The following CRISPLD2 variants were observed in gnomAD, a reference collection of about 807,000 sequenced individuals.
CRISPLD2 encodes the protein cysteine rich secretory protein LCCL domain containing 2.
Under a neutral mutation model 71.1 loss-of-function variants are expected in CRISPLD2, and 47 were observed. The observed-to-expected ratio is 0.66, with a 90% CI of 0.52 to 0.84. The LOEUF (loss-of-function observed/expected upper bound fraction) is 0.84. Ranked by LOEUF, CRISPLD2 falls within the 40% of genes least tolerant of loss-of-function variation. The pLI is 0.00. For synonymous variants in CRISPLD2, 317 were observed against 250.1 expected, an observed-to-expected ratio of 1.27 and a Z score of -2.52; for missense variants, 830 against 651.1, an observed-to-expected ratio of 1.27 and a Z score of -2.99.
In CRISPLD2 at chr16:84,849,459, A is replaced by C; in HGVS notation, c.434A>C (p.Glu145Ala). 1 of 1,614,128 alleles carries C rather than the reference A, an allele frequency of 6.2e-7. No homozygotes were observed. Among genetic ancestry groups the C allele is most frequent in the Non-Finnish European group, 8.5e-7 (1 of 1,179,986 alleles). ...GACTACACCTACCCCTACCCGAGCG[A>C]GTGCAACCCCTGGTGTCCAGAGAGG... ...VKDYTYPYPS[E>A]CNPWCPERCS... Residue 145 changes from glutamate to alanine, a missense_variant, in exon 4 of 15, where the codon GAG becomes GCG. Physicochemically the swap from Glu to Ala is moderately radical, Grantham distance 107. Coordinates refer to ENST00000262424, the MANE Select transcript of CRISPLD2 (RefSeq NM_031476.4).
At position 84,873,106 on chromosome 16, in the gene CRISPLD2, G is replaced by T. The variant is rs138350685; in HGVS notation, c.1096G>T (p.Gly366Cys). The change falls in exon 10 of 15, where the codon GGC (glycine) becomes TGC (cysteine). Residue 366 changes from glycine to cysteine, a missense_variant. Coordinates refer to ENST00000262424, the MANE Select transcript of CRISPLD2 (RefSeq NM_031476.4). ...CTTCTTCGTGAAGTCTGAGAGACACGGCGTGCAGTCCCTCAGGTAACTACT... is the reference window on the plus strand; with the variant it reads ...CTTCTTCGTGAAGTCTGAGAGACACTGCGTGCAGTCCCTCAGGTAACTACT... ...VPFFVKSERH[G>C]VQSLSKYKPS... The T allele has an allele frequency of 1.2e-6, 2 of 1,613,604 alleles. No individual in the cohort carries two copies. The highest frequency in any genetic ancestry group is 1.7e-6 in the Non-Finnish European group (2 of 1,179,796).
chr16:84,849,381 G>A lies in CRISPLD2; in HGVS notation c.360-4G>A, dbSNP rs1567686556. 6.2e-7 allele frequency: 1 copy of A among 1,611,584 alleles called. No homozygotes were observed. Among genetic ancestry groups the A allele is most frequent in the Non-Finnish European group, 8.5e-7 (1 of 1,178,094 alleles). On this transcript the variant is annotated splice_region_variant and splice_polypyrimidine_tract_variant and intron_variant, in intron 3 of 14. Transcript: ENST00000262424. ...GGACTGAGTGAGCGGTTTCTGCCCT[G>A]CAGGTATCGCTCTCCGGGGTTCCAT...
intron 5 of CRISPLD2, among the ~76,000 whole-genome samples, chr16:84,854,449 G>C (rs775032722): frequency 8.5e-5 from 13 of 152,168 alleles, no homozygotes; most frequent in Non-Finnish European, 1.9e-4. Flanking sequence ...TGGTGGAAGG[G>C]GGGCCACGGG....
rs532628709 is a variant in CRISPLD2 at position 84,850,745 on chromosome 16, C to T, written c.608+62C>T. On this transcript the variant is annotated intron_variant, in intron 5 of 14. Coordinates refer to ENST00000262424, the MANE Select transcript of CRISPLD2 (RefSeq NM_031476.4). ...TGGGATGTGTTTGCTTGCCAGGGAG[C>T]ACCCAGTGAAAACTGGCTTGAGCAG... 2.5e-5 allele frequency: 33 copies of T among 1,346,496 alleles called. No individual in the cohort carries two copies. The African/African-American group carries it at 4.7e-4, about 19-fold the overall frequency. The allele number at this position is 1,346,496 out of a possible 1,614,324, so 83.4% of individuals were successfully genotyped here.
intron 1 of CRISPLD2, among the ~76,000 whole-genome samples, chr16:84,823,641 A>G (rs747613359): frequency 7.2e-5 from 11 of 152,170 alleles, no homozygotes; most frequent in Non-Finnish European, 1.2e-4. Context: ...AGGCTGTACA[A>G]TGACGAGTAC....
intron 12 of CRISPLD2, among the ~76,000 whole-genome samples, chr16:84,879,111 C>A (rs575832574): frequency 4.6e-5 from 7 of 152,320 alleles, no homozygotes; most frequent in Non-Finnish European, 1.0e-4. Flanking sequence ...TGACTGCCAC[C>A]CCACTTCAGG....
chr16:84,871,708 C>G (rs528543315), intron 8 of CRISPLD2, among the ~76,000 whole-genome samples: 1 of 152,092 alleles, frequency 6.6e-6, no homozygotes, highest in East Asian at 1.9e-4. Flanking sequence ...CCTGCCACCA[C>G]ACGCGGCTAA....
intron 13 of CRISPLD2, among the ~76,000 whole-genome samples, chr16:84,881,361 T>C (rs1267168086): frequency 6.6e-6 from 1 of 152,236 alleles, no homozygotes; most frequent in Non-Finnish European, 1.5e-5. Context: ...CCTCTGTTTT[T>C]TCCCTCCGAA....
In CRISPLD2 at chr16:84,849,359, C is replaced by T. The variant is rs184896897; in HGVS notation, c.360-26C>T. The T allele has an allele frequency of 1.4e-4, 229 of 1,604,092 alleles. No homozygotes were observed. In the African/African-American group the frequency reaches 3.0e-3, roughly 21 times the overall value. ...TGGTGGGTGAGGGGAGGGGCTGGGA[C>T]TGAGTGAGCGGTTTCTGCCCTGCAG... On this transcript the variant is annotated intron_variant, in intron 3 of 14. Coordinates refer to ENST00000262424, the MANE Select transcript of CRISPLD2 (RefSeq NM_031476.4).
At chr16:84,874,905 A>G (rs1179224078) in intron 11 of CRISPLD2, among the ~76,000 whole-genome samples, 1 of 152,210 alleles carries the variant, frequency 6.6e-6, no homozygotes, top group Non-Finnish European at 1.5e-5. Flanking sequence ...AAAACTTGAA[A>G]TGGAGTTACA....
intron 1 of CRISPLD2, among the ~76,000 whole-genome samples, chr16:84,820,695 C>T (rs974449107): frequency 7.2e-5 from 11 of 152,186 alleles, no homozygotes; most frequent in African/African-American, 2.7e-4. Flanking sequence ...CCGGGCAGAG[C>T]CAGGGCTGGA....
At chr16:84,829,277 A>G (rs962940306) in intron 1 of CRISPLD2, 1 of 152,250 alleles carries the variant, frequency 6.6e-6, no homozygotes, top group Non-Finnish European at 1.5e-5. Flanking sequence ...CAATCCTGCC[A>G]AGAAGGGTTT....
chr16:84,872,701 T>C (rs1211154979), intron 9 of CRISPLD2, among the ~76,000 whole-genome samples, 193 bp downstream of exon 9: 1 of 152,220 alleles, frequency 6.6e-6, no homozygotes, highest in East Asian at 1.9e-4. Context: ...CCAATCCTCC[T>C]GAAGGCCAGT....
rs533078062 is a variant in CRISPLD2 at position 84,859,103 on chromosome 16, C to A, written c.709+4274C>A. ...GATTTACTATTTTTCTAGGTAGGGG[C>A]AGCTCTAATGGCTTCTGTTTGGCCT... On this transcript the variant is annotated intron_variant, in intron 6 of 14. Transcript: ENST00000262424. Among the ~76,000 whole-genome samples the A allele has an allele frequency of 2.0e-5, 3 of 152,340 alleles. No individual in the cohort carries two copies. In the South Asian group the frequency reaches 6.2e-4, roughly 32 times the overall value.
rs138980703 is a variant in CRISPLD2 at position 84,834,101 on chromosome 16, G to A, written c.-74-4321G>A. ...CAGACTTGCTGCTCGCCCTGGGCAG[G>A]TTCCTTAAATTCCATGGACTTCAGC... On this transcript the variant is annotated intron_variant, in intron 1 of 14. Coordinates refer to ENST00000262424, the MANE Select transcript of CRISPLD2 (RefSeq NM_031476.4). 3.3e-3 allele frequency among the ~76,000 whole-genome samples: 505 copies of A among 152,262 alleles called. 4 individuals are homozygous for A. Among genetic ancestry groups the A allele is most frequent in the Non-Finnish European group, 3.9e-3 (267 of 68,016 alleles).
intron 13 of CRISPLD2, among the ~76,000 whole-genome samples, chr16:84,886,545 C>G (rs538567212): frequency 7.9e-5 from 12 of 152,282 alleles, no homozygotes; most frequent in African/African-American, 2.9e-4. Context: ...TCACCATAAG[C>G]CAGGCAATGG....
intron 6 of CRISPLD2, among the ~76,000 whole-genome samples, chr16:84,865,255 A>C (rs1011528795): frequency 2.0e-5 from 3 of 151,680 alleles, no homozygotes; most frequent in African/African-American, 7.3e-5. Flanking sequence ...TCCCAGGTTC[A>C]AGCAATTCTT....
At chr16:84,862,286 T>G (rs1416334091) in intron 6 of CRISPLD2, among the ~76,000 whole-genome samples, 1 of 152,084 alleles carries the variant, frequency 6.6e-6, no homozygotes, top group Non-Finnish European at 1.5e-5. Context: ...CACTGCAGCC[T>G]CAACCTCCCG....
chr16:84,866,287 G>T (rs1433033367), intron 6 of CRISPLD2, among the ~76,000 whole-genome samples: 1 of 150,718 alleles, frequency 6.6e-6, no homozygotes, highest in Non-Finnish European at 1.5e-5. Context: ...AGGCTGGACT[G>T]CAATGGCACA....
Sources: gnomAD v4.1 joint callset for allele counts (sites outside exome capture counted in the v4.1 genomes callset) on GRCh38, gnomAD v4.1.1 for gene constraint, MANE v1.5 for transcripts, NCBI Gene and HGNC (gene_info 2026-07-23, HGNC 2026-07-21) for gene names.